Variants in TXNDC16 observed in about 807,000 individuals in gnomAD.
The protein encoded by TXNDC16 is thioredoxin domain-containing protein 16.
TXNDC16 carries 74 observed loss-of-function variants against 85.6 expected under a neutral mutation model. That is an observed-to-expected ratio of 0.86 (90% CI 0.72 to 1.05). TXNDC16 has a LOEUF of 1.05. Among genes scored for constraint, TXNDC16 ranks in the 50% least tolerant of loss-of-function variants. The pLI is 0.00. For missense variants in TXNDC16, 959 were observed against 947.0 expected (o/e 1.01, Z -0.17); for synonymous variants, 335 against 326.5 (o/e 1.03, Z -0.28).
intron 9 of TXNDC16, among the ~76,000 whole-genome samples, chr14:52,500,324 G>A (rs1396743579): frequency 6.6e-6 from 1 of 152,154 alleles, no homozygotes; most frequent in Non-Finnish European, 1.5e-5. Flanking sequence ...TGAACCTTGA[G>A]GACATTATTC....
At chr14:52,459,338 T>C (rs529120379) in intron 16 of TXNDC16, among the ~76,000 whole-genome samples, 1 of 152,186 alleles carries the variant, frequency 6.6e-6, no homozygotes, top group Non-Finnish European at 1.5e-5. Context: ...ATGGATAAAC[T>C]CCTGGACACA....
intron 6 of TXNDC16, among the ~76,000 whole-genome samples, chr14:52,529,164 C>G (rs1252235122): frequency 1.3e-5 from 2 of 151,150 alleles, no homozygotes; most frequent in East Asian, 3.9e-4. Context: ...ATGATGAGTT[C>G]ATGTCCTCTG....
At chr14:52,509,967 C>G (rs1303815584) in intron 9 of TXNDC16, among the ~76,000 whole-genome samples, 1 of 146,032 alleles carries the variant, frequency 6.8e-6, no homozygotes, top group East Asian at 2.0e-4. Flanking sequence ...GGAAACAGAG[C>G]GAGACTCCGT....
chr14:52,465,369 G>C (rs2035747397), intron 16 of TXNDC16, among the ~76,000 whole-genome samples: 1 of 152,046 alleles, frequency 6.6e-6, no homozygotes, highest in African/African-American at 2.4e-5. Context: ...GAGGCGGGTG[G>C]ATCACGAGGT....
chr14:52,517,546 A>G (rs1002768134), intron 7 of TXNDC16, among the ~76,000 whole-genome samples: 2 of 152,068 alleles, frequency 1.3e-5, no homozygotes, highest in African/African-American at 4.8e-5. Flanking sequence ...TCTTAGCACC[A>G]TATCTACCCA....
At chr14:52,454,790 C>A (rs1215393372) in intron 18 of TXNDC16, among the ~76,000 whole-genome samples, 4 of 151,936 alleles carry the variant, frequency 2.6e-5, no homozygotes, top group Non-Finnish European at 4.4e-5. Context: ...GAGTGAGACC[C>A]ATCTCAAAAA....
chr14:52,511,570 A>C (rs1036230446), intron 8 of TXNDC16, among the ~76,000 whole-genome samples, 180 bp from the exon 9 acceptor site: 1 of 152,144 alleles, frequency 6.6e-6, no homozygotes, highest in Non-Finnish European at 1.5e-5. Flanking sequence ...AGAATATTAA[A>C]GAAAATTAAC....
chr14:52,502,196 C>T (rs932189087), intron 9 of TXNDC16, among the ~76,000 whole-genome samples: 8 of 152,220 alleles, frequency 5.3e-5, no homozygotes, highest in African/African-American at 9.6e-5. Context: ...ATTTCAGTGT[C>T]TACCGGGGCT....
At chr14:52,530,747 G>A (rs886646286) in intron 6 of TXNDC16, among the ~76,000 whole-genome samples, 15 of 143,980 alleles carry the variant, frequency 1.0e-4, no homozygotes, top group African/African-American at 3.4e-4. Flanking sequence ...GTCTGTATAC[G>A]TCAGTATGTC....
chr14:52,448,953 C>T (rs2035345408), intron 18 of TXNDC16, among the ~76,000 whole-genome samples: 3 of 151,712 alleles, frequency 2.0e-5, no homozygotes, highest in Admixed American at 2.0e-4. Flanking sequence ...AAAAACAAAA[C>T]AAATACACAC....
intron 6 of TXNDC16, among the ~76,000 whole-genome samples, chr14:52,519,719 T>C (rs1259030034): frequency 6.6e-6 from 1 of 152,210 alleles, no homozygotes; most frequent in Non-Finnish European, 1.5e-5. Context: ...CTACCATTCC[T>C]CATGTTTACA....
intron 4 of TXNDC16, among the ~76,000 whole-genome samples, chr14:52,541,288 C>G (rs1410981102): frequency 6.6e-6 from 1 of 152,052 alleles, no homozygotes; most frequent in Non-Finnish European, 1.5e-5. Context: ...AGGGCAACAG[C>G]TTGGGCATGA....
intron 6 of TXNDC16, among the ~76,000 whole-genome samples, chr14:52,532,430 A>C (rs768009320): frequency 2.6e-4 from 39 of 152,028 alleles, no homozygotes; most frequent in Non-Finnish European, 1.8e-4. Context: ...TTGTCAAGCA[A>C]CAGTTCAAAT....
chr14:52,548,979 T>C (rs186030339), intron 1 of TXNDC16, among the ~76,000 whole-genome samples: 19 of 152,346 alleles, frequency 1.2e-4, no homozygotes, highest in Non-Finnish European at 2.1e-4. Context: ...CACCTGGTCT[T>C]AGTAACGGGT....
chr14:52,465,751 C>T (rs902935085), intron 16 of TXNDC16, among the ~76,000 whole-genome samples: 8 of 151,942 alleles, frequency 5.3e-5, no homozygotes, highest in Non-Finnish European at 1.2e-4. Flanking sequence ...TCCTGTGAAG[C>T]AAGAGATAAA....
intron 4 of TXNDC16, among the ~76,000 whole-genome samples, chr14:52,539,150 CTAAT>C (rs1427410063): frequency 6.6e-6 from 1 of 152,018 alleles, no homozygotes; most frequent in Non-Finnish European, 1.5e-5. Context: ...AAGTTGAAAA[CTAAT>C]TAATATGTAG....
intron 4 of TXNDC16, among the ~76,000 whole-genome samples, chr14:52,538,960 T>C (rs114849548): frequency 6.6e-6 from 1 of 152,188 alleles, no homozygotes; most frequent in Non-Finnish European, 1.5e-5. Flanking sequence ...TATGTAATTT[T>C]AAAAATTTTT....
chr14:52,530,021 A>G (rs1334751992), intron 6 of TXNDC16, among the ~76,000 whole-genome samples: 1 of 104,934 alleles, frequency 9.5e-6, no homozygotes, highest in Non-Finnish European at 1.7e-5. Context: ...TATATATTAT[A>G]TGTTATAATT....
At chr14:52,545,366 T>C (rs919649294) in intron 1 of TXNDC16, among the ~76,000 whole-genome samples, 1 of 152,192 alleles carries the variant, frequency 6.6e-6, no homozygotes, top group African/African-American at 2.4e-5. Context: ...GTTAGAGACA[T>C]TGGTGATTGT....
Sources: allele counts gnomAD v4.1 joint callset (sites outside exome capture counted in the v4.1 genomes callset), GRCh38; gene constraint gnomAD v4.1.1; transcripts MANE v1.5; gene names NCBI Gene and HGNC (gene_info 2026-07-23, HGNC 2026-07-21).